The following NRG1 variants were observed in gnomAD, a reference collection of about 807,000 sequenced individuals.
NRG1 encodes neuregulin 1, also known as pro-neuregulin-1, membrane-bound isoform.
NRG1 carries 18 observed loss-of-function variants against 63.8 expected under a neutral mutation model. The ratio of observed to expected loss-of-function variants is 0.28; its 90% confidence interval spans 0.19 to 0.42. The LOEUF (loss-of-function observed/expected upper bound fraction) is 0.42. Ranked by LOEUF, NRG1 falls within the 10% of genes least tolerant of loss-of-function variation. The pLI, the probability that NRG1 is intolerant of heterozygous loss-of-function variation, is 1.00. For synonymous variants in NRG1, 302 were observed against 301.3 expected (o/e 1.00, Z -0.02); for missense variants, 762 against 814.7 (o/e 0.94, Z 0.79).
At chr8:32,401,328 A>T (rs1782599449) in intron 1 of NRG1, among the ~76,000 whole-genome samples, 1 of 152,134 alleles carries the variant, frequency 6.6e-6, no homozygotes, top group Non-Finnish European at 1.5e-5. Context: ...AAAAATTTAA[A>T]AATAAAAAAT....
At chr8:32,174,948 A>T (rs901260711) in intron 1 of NRG1, among the ~76,000 whole-genome samples, 3 of 152,236 alleles carry the variant, frequency 2.0e-5, no homozygotes, top group Non-Finnish European at 4.4e-5. Flanking sequence ...TCCAATCAAT[A>T]GAAAAAGAGG....
At chr8:32,499,813 A>T (rs1013022352) in intron 1 of NRG1, among the ~76,000 whole-genome samples, 28 of 152,200 alleles carry the variant, frequency 1.8e-4, no homozygotes, top group Non-Finnish European at 1.2e-4. Context: ...AGTGGTCCAA[A>T]CTACGGTAGT....
chr8:31,650,386 G>A (rs1458310074), intron 1 of NRG1, among the ~76,000 whole-genome samples: 1 of 152,090 alleles, frequency 6.6e-6, no homozygotes, highest in African/African-American at 2.4e-5. Context: ...CCTCAATAAA[G>A]CCTTATCTTT....
chr8:31,667,701 C>T (rs1181753541), intron 1 of NRG1, among the ~76,000 whole-genome samples: 3 of 152,136 alleles, frequency 2.0e-5, no homozygotes, highest in Non-Finnish European at 4.4e-5. Context: ...AGACTCTGGA[C>T]TCCATTAGGA....
At chr8:31,652,918 TCCTC>T (rs1158984476) in intron 1 of NRG1, among the ~76,000 whole-genome samples, 15 of 132,552 alleles carry the variant, frequency 1.1e-4, no homozygotes, top group South Asian at 6.0e-4. Context: ...CTCCCTCCCT[TCCTC>T]CCTCCCTCCC....
chr8:32,004,041 T>C (rs1813354937), intron 1 of NRG1, among the ~76,000 whole-genome samples: 1 of 152,072 alleles, frequency 6.6e-6, no homozygotes, highest in Non-Finnish European at 1.5e-5. Flanking sequence ...AAATGGAATA[T>C]TATTCAGCAA....
intron 1 of NRG1, among the ~76,000 whole-genome samples, chr8:31,809,741 G>GT (rs753730069): frequency 0.12 from 8,465 of 67,822 alleles, 726 homozygotes; most frequent in Non-Finnish European, 0.16. Flanking sequence ...TCTATTAATT[G>GT]TTTTTTTTTT....
At chr8:32,618,177 C>G (rs1158790055) in intron 5 of NRG1, among the ~76,000 whole-genome samples, 1 of 151,616 alleles carries the variant, frequency 6.6e-6, no homozygotes, top group Non-Finnish European at 1.5e-5. Context: ...TTTTATGTAG[C>G]TAGCATCCAG....
At chr8:32,747,234 A>C (rs1363863626) in intron 7 of NRG1, among the ~76,000 whole-genome samples, 1 of 152,152 alleles carries the variant, frequency 6.6e-6, no homozygotes, top group Non-Finnish European at 1.5e-5. Context: ...TCATGTAGGC[A>C]TGGAGTCCTG....
chr8:32,405,111 T>TTTG (rs2129484920), intron 1 of NRG1, among the ~76,000 whole-genome samples: 1 of 152,296 alleles, frequency 6.6e-6, no homozygotes, highest in Admixed American at 6.5e-5. Context: ...CAGTTTGCCA[T>TTTG]ATCCAGGCTG....
chr8:31,934,545 CCTCCCAAGTAG>C (rs1441124392), intron 1 of NRG1, among the ~76,000 whole-genome samples: 1 of 151,272 alleles, frequency 6.6e-6, no homozygotes, highest in African/African-American at 2.4e-5. Flanking sequence ...CCTGCCTCAG[CCTCCCAAGTAG>C]CTGGGATTAC....
At chr8:31,690,730 G>C (rs1809415737) in intron 1 of NRG1, among the ~76,000 whole-genome samples, 1 of 152,150 alleles carries the variant, frequency 6.6e-6, no homozygotes, top group Non-Finnish European at 1.5e-5. Context: ...TTCCAAGGAT[G>C]ATTTCAAGGC....
chr8:31,791,167 T>TCACTG (rs1398989017), intron 1 of NRG1, among the ~76,000 whole-genome samples: 1 of 144,620 alleles, frequency 6.9e-6, no homozygotes, highest in African/African-American at 2.6e-5. Flanking sequence ...TGAGATCACA[T>TCACTG]CACTGCACTC....
intron 1 of NRG1, among the ~76,000 whole-genome samples, chr8:32,295,747 A>G (rs955783959): frequency 1.3e-5 from 2 of 151,956 alleles, no homozygotes; most frequent in African/African-American, 4.8e-5. Flanking sequence ...CAGGAGTTAG[A>G]GACCAGCCTG....
chr8:32,653,026 A>T (rs546503185), intron 5 of NRG1, among the ~76,000 whole-genome samples: 1 of 152,326 alleles, frequency 6.6e-6, no homozygotes, highest in South Asian at 2.1e-4. Flanking sequence ...CTACTACAGC[A>T]TAAACTACAT....
chr8:32,286,853 T>C (rs1853584368), intron 1 of NRG1, among the ~76,000 whole-genome samples: 1 of 151,986 alleles, frequency 6.6e-6, no homozygotes, highest in Admixed American at 6.6e-5. Context: ...AAAAATTAGT[T>C]GGGCATGGTG....
chr8:32,229,972 T>A (rs1207478576), intron 1 of NRG1, among the ~76,000 whole-genome samples: 1 of 152,122 alleles, frequency 6.6e-6, no homozygotes, highest in Non-Finnish European at 1.5e-5. Context: ...ATCTTTGACC[T>A]TCCTGTCCCT....
chr8:32,136,678 A>G (rs1438029530), intron 1 of NRG1: 1 of 152,188 alleles, frequency 6.6e-6, no homozygotes, highest in Admixed American at 6.5e-5. Context: ...TTCACTGACA[A>G]TGGCACCCCA....
chr8:32,662,591 C>T (rs1023016136), intron 5 of NRG1, among the ~76,000 whole-genome samples: 4 of 152,060 alleles, frequency 2.6e-5, no homozygotes, highest in African/African-American at 9.7e-5. Context: ...TGGAAATAGT[C>T]GGACCACTGA....
Sources: gnomAD v4.1 joint callset for allele counts (sites outside exome capture counted in the v4.1 genomes callset) on GRCh38, gnomAD v4.1.1 for gene constraint, MANE v1.5 for transcripts, NCBI Gene and HGNC (gene_info 2026-07-23, HGNC 2026-07-21) for gene names.